Variants in RBFOX1 observed in about 807,000 individuals in gnomAD.
The protein encoded by RBFOX1 is RNA binding protein fox-1 homolog 1.
In RBFOX1, 8 loss-of-function variants were observed where a neutral mutation model predicts 57.7. That is an observed-to-expected ratio of 0.14 (90% CI 0.08 to 0.25). The LOEUF (loss-of-function observed/expected upper bound fraction) is 0.25, where lower values mean the gene tolerates loss of function less well. Among genes scored for constraint, RBFOX1 ranks in the 10% least tolerant of loss-of-function variants. The pLI is 1.00. For missense variants in RBFOX1, 611 were observed against 548.5 expected (o/e 1.11, Z -1.14); for synonymous variants, 326 against 222.4 (o/e 1.47, Z -4.15).
intron 3 of RBFOX1, among the ~76,000 whole-genome samples, chr16:5,635,114 C>A (rs952821783): frequency 2.6e-5 from 4 of 152,266 alleles, no homozygotes; most frequent in African/African-American, 9.6e-5. Context: ...TATCACTGAA[C>A]TACACTGCTC....
At chr16:7,319,013 G>T (rs2096495171) in intron 4 of RBFOX1, among the ~76,000 whole-genome samples, 1 of 152,192 alleles carries the variant, frequency 6.6e-6, no homozygotes, top group South Asian at 2.1e-4. Flanking sequence ...TAAAAGTTGG[G>T]CATCATTGGT....
chr16:6,134,927 G>A (rs2152686124), intron 1 of RBFOX1, among the ~76,000 whole-genome samples: 1 of 152,198 alleles, frequency 6.6e-6, no homozygotes, highest in South Asian at 2.1e-4. Context: ...CATGTGCCAT[G>A]TTGGTGTGCT....
rs145299511 is a variant in RBFOX1, at chr16:6,233,356, C to G, written c.-126-83639C>G. Among the ~76,000 whole-genome samples, 422 of 152,126 alleles carry G rather than the reference C, an allele frequency of 2.8e-3. 3 individuals carry two copies. Among genetic ancestry groups the G allele is most frequent in the African/African-American group, 9.8e-3 (406 of 41,502 alleles). ...CTCTATGGCTAGCACCATCCTGATC[C>G]AAACCACCATCTCCCCCGGGTGGTT... On this transcript the variant is annotated intron_variant, in intron 1 of 15. Transcript: ENST00000550418.
chr16:6,128,003 G>C (rs74005143), intron 1 of RBFOX1, among the ~76,000 whole-genome samples: 2 of 152,090 alleles, frequency 1.3e-5, no homozygotes, highest in Non-Finnish European at 2.9e-5. Context: ...ATTTTAATGT[G>C]CTTAAAGATA....
At chr16:6,478,405 ATATATATATATATATATATATATATTTT>A (rs2095309796) in intron 2 of RBFOX1, among the ~76,000 whole-genome samples, 1 of 16,928 alleles carries the variant, frequency 5.9e-5, no homozygotes, top group African/African-American at 2.8e-4. Context: ...ATATATATAT[ATATATATATATATATATATATATATTTT>A]TTTTTTTTTT....
chr16:6,658,041 T>C (rs1162521018), intron 3 of RBFOX1, among the ~76,000 whole-genome samples: 4 of 152,142 alleles, frequency 2.6e-5, no homozygotes, highest in Non-Finnish European at 5.9e-5. Flanking sequence ...GAATATCTTC[T>C]TGATAGAAGA....
intron 2 of RBFOX1, among the ~76,000 whole-genome samples, chr16:6,581,810 T>A (rs139189938): frequency 4.2e-4 from 64 of 152,338 alleles, no homozygotes; most frequent in African/African-American, 1.4e-3. Context: ...TGTCCCAGAT[T>A]CTTAGCTTTG....
intron 4 of RBFOX1, among the ~76,000 whole-genome samples, chr16:7,080,062 TATATATAC>T (rs979379969): frequency 7.2e-6 from 1 of 139,602 alleles, no homozygotes; most frequent in African/African-American, 2.8e-5. Context: ...ATACATATTA[TATATATAC>T]ATATATACAT....
chr16:5,990,109 T>C (rs1434379561), intron 4 of RBFOX1, among the ~76,000 whole-genome samples: 1 of 152,128 alleles, frequency 6.6e-6, no homozygotes, highest in Non-Finnish European at 1.5e-5. Flanking sequence ...CCTCAGCCTC[T>C]GGAGTAGCTG....
At chr16:5,318,334 G>C (rs1476150624) in intron 1 of RBFOX1, among the ~76,000 whole-genome samples, 1 of 151,934 alleles carries the variant, frequency 6.6e-6, no homozygotes, top group East Asian at 1.9e-4. Context: ...TTGCCATATC[G>C]GCCAGGCTGG....
intron 4 of RBFOX1, among the ~76,000 whole-genome samples, chr16:7,185,889 A>C (rs1431648095): frequency 1.3e-5 from 2 of 152,132 alleles, no homozygotes; most frequent in African/African-American, 4.8e-5. Context: ...AACCCAACCC[A>C]TTCTTGAGCA....
At chr16:6,314,256 A>G (rs2080789758) in intron 1 of RBFOX1, among the ~76,000 whole-genome samples, 1 of 152,210 alleles carries the variant, frequency 6.6e-6, no homozygotes, top group African/African-American at 2.4e-5. Context: ...GCAGTACATA[A>G]GGGGCCGTTT....
intron 4 of RBFOX1, among the ~76,000 whole-genome samples, chr16:7,255,176 G>C (rs538520431): frequency 3.0e-4 from 46 of 152,202 alleles, no homozygotes; most frequent in Admixed American, 9.2e-4. Flanking sequence ...TTCTATTTTA[G>C]ACAATGAGGC....
intron 3 of RBFOX1, among the ~76,000 whole-genome samples, chr16:7,010,537 C>T (rs1596902646): frequency 6.8e-6 from 1 of 148,014 alleles, no homozygotes; most frequent in South Asian, 2.2e-4. Flanking sequence ...CACATCTCCC[C>T]TTTTTTTTTT....
intron 3 of RBFOX1, among the ~76,000 whole-genome samples, chr16:6,764,859 C>G (rs906464789): frequency 6.6e-6 from 1 of 152,036 alleles, no homozygotes; most frequent in African/African-American, 2.4e-5. Flanking sequence ...ATCTCTTGAA[C>G]CCAGAAGGTG....
chr16:6,084,329 G>C (rs887427340), intron 1 of RBFOX1, among the ~76,000 whole-genome samples: 1 of 151,906 alleles, frequency 6.6e-6, no homozygotes, highest in Non-Finnish European at 1.5e-5. Flanking sequence ...CGGCAGCCTC[G>C]ACCTCCCAGA....
chr16:6,641,505 C>T lies in RBFOX1; in HGVS notation c.-63-13098C>T, dbSNP rs547147185. Among the ~76,000 whole-genome samples, 23 of 152,032 alleles carry T rather than the reference C, an allele frequency of 1.5e-4. 1 individual carries two copies. The South Asian group carries it at 1.7e-3, about 11-fold the overall frequency. ...ATCCCAGCACTTTGGGAGGCCGAGG[C>T]GGGCAGATCGCTTGAGCCCAGGAGT... On this transcript the variant is annotated intron_variant, in intron 2 of 15. Transcript: ENST00000550418.
At chr16:7,627,415 T>C (rs1170559818) in intron 10 of RBFOX1, among the ~76,000 whole-genome samples, 1 of 152,146 alleles carries the variant, frequency 6.6e-6, no homozygotes, top group Non-Finnish European at 1.5e-5. Flanking sequence ...ATTGACCCCA[T>C]TTGCCATCCC....
chr16:6,363,396 T>C (rs2088975837), intron 2 of RBFOX1, among the ~76,000 whole-genome samples: 1 of 152,178 alleles, frequency 6.6e-6, no homozygotes, highest in South Asian at 2.1e-4. Context: ...CTTGCAAAGT[T>C]GACCAGTGAT....
Sources: gnomAD v4.1 joint callset for allele counts (sites outside exome capture counted in the v4.1 genomes callset) on GRCh38, gnomAD v4.1.1 for gene constraint, MANE v1.5 for transcripts, NCBI Gene and HGNC (gene_info 2026-07-23, HGNC 2026-07-21) for gene names.